The following CRISPLD2 variants were observed in gnomAD, a reference collection of about 807,000 sequenced individuals.
CRISPLD2 encodes cysteine-rich secretory protein LCCL domain-containing 2.
In CRISPLD2, 47 loss-of-function variants were observed where a neutral mutation model predicts 71.1. That is an observed-to-expected ratio of 0.66 (90% CI 0.52 to 0.84). CRISPLD2 has a LOEUF of 0.84. CRISPLD2 is among the 40% of genes least tolerant of loss of function. The probability of loss-of-function intolerance (pLI) is 0.00; values close to 1 mark genes in which losing one functional copy is unlikely to be tolerated. For missense variants in CRISPLD2, 830 were observed against 651.1 expected (o/e 1.27, Z -2.99); for synonymous variants, 317 against 250.1 (o/e 1.27, Z -2.52).
intron 14 of CRISPLD2, among the ~76,000 whole-genome samples, chr16:84,894,776 G>T (rs537652706): frequency 2.6e-5 from 4 of 152,060 alleles, no homozygotes; most frequent in Non-Finnish European, 5.9e-5. Flanking sequence ...GAGATCTGGT[G>T]TGTGTTTCAC....
At chr16:84,838,920 A>G in intron 2 of CRISPLD2, 185 bp downstream of exon 2, 1 of 811,588 alleles carries the variant, frequency 1.2e-6, no homozygotes, top group South Asian at 1.5e-5. Context: ...ACAGGGTCTC[A>G]CTCTGCCACT....
intron 14 of CRISPLD2, among the ~76,000 whole-genome samples, chr16:84,894,489 C>G (rs968333685): frequency 6.6e-6 from 1 of 152,096 alleles, no homozygotes; most frequent in Non-Finnish European, 1.5e-5. Context: ...CATGGGCAGC[C>G]CCTGCGCTAG....
intron 14 of CRISPLD2, among the ~76,000 whole-genome samples, chr16:84,899,669 C>T (rs111939706): frequency 0.013 from 1,931 of 152,252 alleles, 45 homozygotes; most frequent in African/African-American, 0.043. Context: ...CTTGTCGGGG[C>T]CTGCTCTTAC....
In CRISPLD2 at chr16:84,855,266, A is replaced by G. The variant is rs115230685; in HGVS notation, c.709+437A>G. 3.7e-3 allele frequency among the ~76,000 whole-genome samples: 571 copies of G among 152,274 alleles called. 3 individuals are homozygous for G. Among genetic ancestry groups the G allele is most frequent in the African/African-American group, 0.013 (540 of 41,558 alleles). On this transcript the variant is annotated intron_variant, in intron 6 of 14. Coordinates refer to ENST00000262424, the MANE Select transcript of CRISPLD2 (RefSeq NM_031476.4). The stretch of plus-strand genomic sequence containing the variant: ...GTATTAGGGTTCTCTAGAGGGACAG[A>G]ACTAATAGGATATATATAAATATGT...
At chr16:84,839,215 A>G (rs16974700) in intron 2 of CRISPLD2, 4,852 of 328,308 alleles carry the variant, frequency 0.015, 229 homozygotes, top group African/African-American at 0.098. Flanking sequence ...TTCTGCCAAA[A>G]CAACACACGT....
At chr16:84,862,973 T>G (rs1397067059) in intron 6 of CRISPLD2, 1 of 152,122 alleles carries the variant, frequency 6.6e-6, no homozygotes, top group Non-Finnish European at 1.5e-5. Flanking sequence ...AGACAGACCA[T>G]GTATCTGGGT....
intron 6 of CRISPLD2, among the ~76,000 whole-genome samples, chr16:84,856,865 G>A (rs572114617): frequency 8.2e-4 from 125 of 152,320 alleles, no homozygotes; most frequent in Middle Eastern, 3.4e-3. Context: ...GAGTGCCTTG[G>A]TCAGAAGCCA....
At chr16:84,886,684 G>C (rs78541274) in intron 13 of CRISPLD2, among the ~76,000 whole-genome samples, 1 of 152,114 alleles carries the variant, frequency 6.6e-6, no homozygotes, top group South Asian at 2.1e-4. Context: ...TTAGTCAGGC[G>C]TGGTGGCGCA....
rs541000073 is a variant in CRISPLD2, at chr16:84,847,041, G to C, written c.359+1137G>C. Among the ~76,000 whole-genome samples the C allele has an allele frequency of 2.9e-4, 44 of 152,348 alleles. No individual in the cohort carries two copies. In the South Asian group the frequency reaches 3.5e-3, roughly 12 times the overall value. On this transcript the variant is annotated intron_variant, in intron 3 of 14. Coordinates refer to ENST00000262424, the MANE Select transcript of CRISPLD2 (RefSeq NM_031476.4). ...AAGACTTAACGACCAACCTGTGACC[G>C]TGCCATGCCCAAGGCCAGAATTCAC...
rs547411757 is a variant in CRISPLD2, at chr16:84,850,186, G to T, written c.493-382G>T. Among the ~76,000 whole-genome samples the T allele has an allele frequency of 7.2e-5, 11 of 151,964 alleles. No individual in the cohort carries two copies. In the South Asian group the frequency reaches 2.3e-3, roughly 32 times the overall value. On this transcript the variant is annotated intron_variant, in intron 4 of 14. Coordinates refer to ENST00000262424, the MANE Select transcript of CRISPLD2 (RefSeq NM_031476.4). ...GCTCACCGCAACCTCTGCCTCCTGG[G>T]TTCAAGCGATTCGCCTGCCTCAGCC... is the stretch of plus-strand genomic sequence containing the variant.
chr16:84,835,560 A>G (rs4783082), intron 1 of CRISPLD2, among the ~76,000 whole-genome samples: 150,916 of 152,232 alleles, frequency 0.99, 74,806 homozygotes, highest in East Asian at 1. Context: ...GTACTGGCAC[A>G]CCACCCAGCA....
At chr16:84,823,603 G>A (rs571124985) in intron 1 of CRISPLD2, among the ~76,000 whole-genome samples, 3 of 152,198 alleles carry the variant, frequency 2.0e-5, no homozygotes, top group Non-Finnish European at 4.4e-5. Flanking sequence ...CTGAGACATC[G>A]CCCTGGGGGA....
At chr16:84,850,538 A>G in intron 4 of CRISPLD2, 30 bp from the exon 5 acceptor site, 1 of 1,591,484 alleles carries the variant, frequency 6.3e-7, no homozygotes, top group Non-Finnish European at 8.6e-7. Flanking sequence ...TTATCCCTCG[A>G]GCTGTGACAC....
At position 84,878,129 on chromosome 16, in the gene CRISPLD2, C is replaced by T. The variant is rs185011635; in HGVS notation, c.1229+619C>T. On this transcript the variant is annotated intron_variant, in intron 12 of 14. Coordinates refer to ENST00000262424, the MANE Select transcript of CRISPLD2 (RefSeq NM_031476.4). ...TTCCCAGCTACTCGGGAGTCTGAGG[C>T]GGGAGAATGGCGTGAACCCAGGAGG... Among the ~76,000 whole-genome samples, 317 of 151,428 alleles carry T rather than the reference C, an allele frequency of 2.1e-3. 1 individual carries two copies. The highest frequency in any genetic ancestry group is 0.01 in the Middle Eastern group (3 of 290).
intron 6 of CRISPLD2, among the ~76,000 whole-genome samples, chr16:84,855,288 A>G (rs1315160933): frequency 6.6e-6 from 1 of 152,170 alleles, no homozygotes; most frequent in African/African-American, 2.4e-5. Flanking sequence ...ATATATAAAT[A>G]TGTATATATG....
At chr16:84,867,113 G>T in intron 7 of CRISPLD2, 73 bp downstream of exon 7, 3 of 1,505,456 alleles carry the variant, frequency 2.0e-6, no homozygotes, top group Non-Finnish European at 2.7e-6. Flanking sequence ...GGTGGAGGAG[G>T]GGAGCTAGTG....
At position 84,879,593 on chromosome 16, in the gene CRISPLD2, C is replaced by G. The variant is rs138669374; in HGVS notation, c.1230-916C>G. Among the ~76,000 whole-genome samples the G allele has an allele frequency of 7.9e-3, 1,206 of 152,158 alleles. 8 individuals are homozygous for G. The highest frequency in any genetic ancestry group is 0.042 in the Middle Eastern group (12 of 288). On this transcript the variant is annotated intron_variant, in intron 12 of 14. Transcript: ENST00000262424. ...GCCAGGCTGGTCTCGAACTCCCGAC[C>G]TCAGGTGATCCACCCACCTCGGCCT...
rs1041578834 is a variant in CRISPLD2, at chr16:84,908,173, T to G, written c.*1531T>G. ...TTGCCTTTCTAATAAATGCAGAATCTGAAGGTAAATAGGTTTAAAACAAAA... is the reference window on the plus strand; with the variant it reads ...TTGCCTTTCTAATAAATGCAGAATCGGAAGGTAAATAGGTTTAAAACAAAA... On this transcript the variant is annotated 3_prime_UTR_variant, in exon 15 of 15. Transcript: ENST00000262424. 23 of 152,220 alleles carry G rather than the reference T, an allele frequency of 1.5e-4. No individual in the cohort carries two copies. Among genetic ancestry groups the G allele is most frequent in the African/African-American group, 5.5e-4 (23 of 41,448 alleles). The allele number at this position is 152,220 out of a possible 1,614,324, so 9.4% of individuals were successfully genotyped here.
intron 13 of CRISPLD2, among the ~76,000 whole-genome samples, chr16:84,881,381 G>A (rs192040581): frequency 6.6e-6 from 1 of 152,278 alleles, no homozygotes; most frequent in Admixed American, 6.5e-5. Context: ...ATTTTAACCA[G>A]GGAGCTTTAG....
Sources: gnomAD v4.1 joint callset for allele counts (sites outside exome capture counted in the v4.1 genomes callset) on GRCh38, gnomAD v4.1.1 for gene constraint, MANE v1.5 for transcripts, NCBI Gene and HGNC (gene_info 2026-07-23, HGNC 2026-07-21) for gene names.